The following PFKM variants were observed in gnomAD, a reference collection of about 807,000 sequenced individuals.
The protein encoded by PFKM is ATP-dependent 6-phosphofructokinase, muscle type.
Under a neutral mutation model 95.5 loss-of-function variants are expected in PFKM, and 58 were observed. That is an observed-to-expected ratio of 0.61 (90% confidence interval 0.49 to 0.76). PFKM has a LOEUF of 0.76. PFKM is among the 30% of genes least tolerant of loss of function. The pLI, the probability that PFKM is intolerant of heterozygous loss-of-function variation, is 0.00. For synonymous variants in PFKM, 336 were observed against 357.2 expected (o/e 0.94, Z 0.67); for missense variants, 678 against 1,005.4 (o/e 0.67, Z 4.40).
In PFKM at chr12:48,139,359, T is replaced by A. The variant is rs759084382; in HGVS notation, c.1127+10T>A. The A allele has an allele frequency of 1.1e-5, 18 of 1,609,282 alleles. No homozygotes were observed. Among genetic ancestry groups the A allele is most frequent in the Non-Finnish European group, 1.4e-5 (16 of 1,175,914 alleles). ...TGAAGCTGAGAGGCCGGTGAGGAGA[T>A]GACGGGAAGCTCACTAGCTACAGAA... On this transcript the variant is annotated intron_variant, in intron 12 of 22. Transcript: ENST00000359794.
upstream of PFKM, among the ~76,000 whole-genome samples, chr12:48,116,315 T>C (rs1207455042): frequency 6.6e-6 from 1 of 152,052 alleles, no homozygotes; most frequent in East Asian, 1.9e-4. Flanking sequence ...TTTTCTTTTT[T>C]GATAATAGCC....
chr12:48,107,400 A>T, exon 2 of PFKM: 1 of 1,598,798 alleles, frequency 6.3e-7, no homozygotes, highest in Non-Finnish European at 8.5e-7. Flanking sequence ...TTCATCTGAA[A>T]TTTTTCATGT....
chr12:48,116,269 C>A (rs1302113719), upstream of PFKM, among the ~76,000 whole-genome samples: 1 of 150,684 alleles, frequency 6.6e-6, no homozygotes, highest in Non-Finnish European at 1.5e-5. Flanking sequence ...CTCCACCCCT[C>A]CCTACCTCCT....
At position 48,141,778 on chromosome 12, in the gene PFKM, A is replaced by G. The variant is rs1187285132; in HGVS notation, c.1451A>G (p.Asn484Ser). 6 of 1,613,762 alleles carry G rather than the reference A, an allele frequency of 3.7e-6. No individual in the cohort carries two copies. Among genetic ancestry groups the G allele is most frequent in the Non-Finnish European group, 5.1e-6 (6 of 1,179,842 alleles). ...PKKSFEQISA[N>S]ITKFNIQGLV... is the part of the protein sequence containing the mutation. Reference sequence around the variant, plus strand: ...AAGAGCTTTGAACAGATCAGTGCCAATATAACTAAGTTTAACATTCAGGGC... The same window carrying G: ...AAGAGCTTTGAACAGATCAGTGCCAGTATAACTAAGTTTAACATTCAGGGC... Residue 484 changes from asparagine (N) to serine (S), a missense_variant, in exon 16 of 23, where the codon AAT becomes AGT. Coordinates refer to ENST00000359794, the MANE Select transcript of PFKM (RefSeq NM_000289.6).
intron 4 of PFKM, chr12:48,131,724 T>C: frequency 2.6e-6 from 1 of 389,162 alleles, no homozygotes; most frequent in Non-Finnish European, 4.9e-6. Flanking sequence ...ACCAGAGGAC[T>C]GGAGCCAGAG....
At chr12:48,143,160 C>T (rs1430672917) in intron 18 of PFKM, among the ~76,000 whole-genome samples, 6 of 152,204 alleles carry the variant, frequency 3.9e-5, no homozygotes, top group Non-Finnish European at 7.3e-5. Context: ...TTGAGTCAGG[C>T]GACCTGGTGC....
At chr12:48,111,971 G>A (rs1947230428) in intron 3 of PFKM, among the ~76,000 whole-genome samples, 1 of 152,118 alleles carries the variant, frequency 6.6e-6, no homozygotes, top group Non-Finnish European at 1.5e-5. Context: ...GATTTTGAGG[G>A]CCTCTAAAAG....
chr12:48,106,597 G>A (rs1479398917), intron 1 of PFKM: 1 of 169,342 alleles, frequency 5.9e-6, no homozygotes, highest in African/African-American at 2.4e-5. Context: ...GAAGTGAAGT[G>A]ATTTCCCAAA....
intron 7 of PFKM, 87 bp downstream of exon 7, chr12:48,134,363 T>A: frequency 9.0e-7 from 1 of 1,111,374 alleles, no homozygotes; most frequent in Non-Finnish European, 1.4e-6. Flanking sequence ...GGTCTCTCAG[T>A]AGCAGCAGAT....
In PFKM at chr12:48,137,779, C is replaced by G. The variant is rs1051224463; in HGVS notation, c.995C>G (p.Pro332Arg). 6.2e-7 allele frequency: 1 copy of G among 1,614,146 alleles called. No individual in the cohort carries two copies. Among genetic ancestry groups the G allele is most frequent in the East Asian group, 2.2e-5 (1 of 44,884 alleles). Residue 332 changes from proline (P) to arginine (R), a missense_variant, in exon 11 of 23, where the codon CCA becomes CGA. By Grantham distance (103) the Pro-to-Arg change is moderately radical. Coordinates refer to ENST00000359794, the MANE Select transcript of PFKM (RefSeq NM_000289.6). ...CTTTTGGAGGGGACCCCAGATACCC[C>G]AGCCTGTGTAGTGAGCCTCTCTGGT... Reference protein sequence around the residue: ...MALLEGTPDTPACVVSLSGNQ... With the variant: ...MALLEGTPDTRACVVSLSGNQ...
intron 2 of PFKM, among the ~76,000 whole-genome samples, chr12:48,107,858 C>G (rs969952958): frequency 6.6e-6 from 1 of 152,212 alleles, no homozygotes; most frequent in African/African-American, 2.4e-5. Context: ...CTCATCCACC[C>G]CACCTCAAAG....
upstream of PFKM, chr12:48,105,662 A>C: frequency 2.3e-6 from 1 of 429,654 alleles, no homozygotes; most frequent in Non-Finnish European, 4.4e-6. Flanking sequence ...AGCTCTCCCC[A>C]GAGAAGACCC....
chr12:48,123,519 G>A (rs1300257142), intron 2 of PFKM, among the ~76,000 whole-genome samples: 3 of 137,372 alleles, frequency 2.2e-5, no homozygotes, highest in African/African-American at 5.4e-5. Context: ...GGGAGTAAGA[G>A]GGTATTGATT....
chr12:48,125,901 A>T (rs1450828957), intron 2 of PFKM, among the ~76,000 whole-genome samples: 3 of 152,234 alleles, frequency 2.0e-5, no homozygotes, highest in African/African-American at 2.4e-5. Context: ...ATATATTTTT[A>T]AAAATCTTAT....
intron 2 of PFKM, 28 bp downstream of exon 2, chr12:48,122,887 CT>C (rs1435133113): frequency 5.0e-6 from 8 of 1,603,676 alleles, no homozygotes; most frequent in African/African-American, 1.3e-5. Context: ...AAAAACATGG[CT>C]GGTGGGACTT....
Position 48,143,824 on chromosome 12 carries a change from C to T in PFKM, c.1880+10C>T. 1 of 1,603,462 alleles carries T rather than the reference C, an allele frequency of 6.2e-7. No homozygotes were observed. Among genetic ancestry groups the T allele is most frequent in the South Asian group, 1.1e-5 (1 of 90,852 alleles). On this transcript the variant is annotated intron_variant, in intron 19 of 22. Coordinates refer to ENST00000359794, the MANE Select transcript of PFKM (RefSeq NM_000289.6). ...GGGGCTTGGTGTTAAGGTACCTCATCCATGGTTTGTTCCTAAATGAAGAAG... is the reference window on the plus strand; with the variant it reads ...GGGGCTTGGTGTTAAGGTACCTCATTCATGGTTTGTTCCTAAATGAAGAAG...
chr12:48,145,760 C>G lies in PFKM; in HGVS notation c.*52C>G. The G allele has an allele frequency of 6.4e-7, 1 of 1,561,438 alleles. No individual in the cohort carries two copies. The highest frequency in any genetic ancestry group is 8.8e-7 in the Non-Finnish European group (1 of 1,132,232). ...TACCTGATCATGGTCAGCTCACACC[C>G]TAATAAGTCCACATCTTCTCAGTGT... On this transcript the variant is annotated 3_prime_UTR_variant, in exon 23 of 23. Coordinates refer to ENST00000359794, the MANE Select transcript of PFKM (RefSeq NM_000289.6). The surrounding 1 kb of genome is among the most constrained non-coding windows in gnomAD (Gnocchi z 4.3).
At chr12:48,113,375 G>A (rs1053250834) in intron 3 of PFKM, among the ~76,000 whole-genome samples, 8 of 151,208 alleles carry the variant, frequency 5.3e-5, no homozygotes, top group Non-Finnish European at 7.4e-5. Context: ...CTTCCGAGGC[G>A]ACTGGGCAGC....
At chr12:48,142,158 C>T in intron 17 of PFKM, 92 bp downstream of exon 17, 5 of 1,214,210 alleles carry the variant, frequency 4.1e-6, no homozygotes, top group Non-Finnish European at 6.1e-6. Context: ...CTCTTTATAT[C>T]AAGCAAATGG....
Sources: allele counts gnomAD v4.1 joint callset (sites outside exome capture counted in the v4.1 genomes callset), GRCh38; gene constraint gnomAD v4.1.1; non-coding constraint Gnocchi (gnomAD v3.1); transcripts MANE v1.5; gene names NCBI Gene and HGNC (gene_info 2026-07-23, HGNC 2026-07-21).